SIVA1: variants seen among roughly 807,000 people sequenced by gnomAD.
The protein encoded by SIVA1 is SIVA1 apoptosis inducing factor, also known as apoptosis regulatory protein Siva.
Under a neutral mutation model 19.7 loss-of-function variants are expected in SIVA1, and 10 were observed. The observed-to-expected ratio is 0.51, with a 90% confidence interval of 0.31 to 0.86. SIVA1 has a LOEUF of 0.86. Among genes scored for constraint, SIVA1 ranks in the 40% least tolerant of loss-of-function variants. The pLI, the probability that SIVA1 is intolerant of heterozygous loss-of-function variation, is 0.04. For synonymous variants in SIVA1, 130 were observed against 106.1 expected (o/e 1.23, Z -1.39); for missense variants, 241 against 245.2 (o/e 0.98, Z 0.11).
At chr14:104,756,262 CCACACTGAGACCCAGATGGGA>C in intron 2 of SIVA1, 2 of 458,718 alleles carry the variant, frequency 4.4e-6, no homozygotes, top group South Asian at 4.3e-5. Flanking sequence ...AGGCAGTGGG[CCACACTGAGACCCAGATGGGA>C]CACATGGAGT....
intron 1 of SIVA1, 68 bp from the exon 2 acceptor site, chr14:104,755,562 C>T (rs1891855911): frequency 1.5e-6 from 2 of 1,378,656 alleles, no homozygotes; most frequent in Non-Finnish European, 1.0e-6. Context: ...GCTAGAAAGA[C>T]TCAATGGCCA....
intron 3 of SIVA1, 104 bp downstream of exon 3, chr14:104,756,864 C>A: frequency 7.8e-7 from 1 of 1,279,288 alleles, no homozygotes; most frequent in Non-Finnish European, 1.1e-6. Flanking sequence ...ACACGTGTGG[C>A]CCCTGATGCA....
chr14:104,753,272 A>T lies in SIVA1; in HGVS notation c.71A>T (p.Glu24Val). Residue 24 changes from glutamate to valine, a missense_variant, in exon 1 of 4, where the codon GAG becomes GTG. Transcript: ENST00000329967. ...CTCAAGGTCCGCGTGAGCCAGAGGG[A>T]GTTGAGCCGCGGCGTGTGCGCCGAG... Reference protein sequence around the residue: ...LQLKVRVSQRELSRGVCAERY... With the variant: ...LQLKVRVSQRVLSRGVCAERY... 1.9e-6 allele frequency: 3 copies of T among 1,601,044 alleles called. No homozygotes were observed. Among genetic ancestry groups the T allele is most frequent in the Middle Eastern group, 1.7e-4 (1 of 6,012 alleles).
Position 104,755,641 on chromosome 14 carries a change from C to T in SIVA1, c.130C>T (p.Arg44Ter). ...TTATCTTCCCCCAGAGAAGACCAAGCGACTCCTGTTCCTCGGGGCCCAGGC... is the reference window on the plus strand; with the variant it reads ...TTATCTTCCCCCAGAGAAGACCAAGTGACTCCTGTTCCTCGGGGCCCAGGC... Reference protein sequence around the residue: ...YSQEVFEKTKRLLFLGAQAYL... With the variant: ...YSQEVFEKTK Residue 44 changes from arginine (R) to a stop codon, truncating the protein, a stop_gained, in exon 2 of 4, where the codon CGA becomes TGA. Transcript: ENST00000329967. LOFTEE classifies it high-confidence loss of function. The T allele has an allele frequency of 1.2e-6, 2 of 1,612,216 alleles. No homozygotes were observed. The highest frequency in any genetic ancestry group is 1.1e-5 in the South Asian group (1 of 90,938).
chr14:104,757,292 G>A, intron 3 of SIVA1: 1 of 444,338 alleles, frequency 2.3e-6, no homozygotes, highest in Non-Finnish European at 4.5e-6. Context: ...TCACCTGGTG[G>A]ATGGGAGTGG....
rs374922764 is a variant in SIVA1, at chr14:104,755,585, G to A, written c.119-45G>A. On this transcript the variant is annotated intron_variant, in intron 1 of 3. Transcript: ENST00000329967. ...GACTCAATGGCCATGCAGGGGCTTC[G>A]TTGGTACACAGTGAAGGACGTGAGA... 2.9e-5 allele frequency: 45 copies of A among 1,555,038 alleles called. No individual in the cohort carries two copies. In the East Asian group the frequency reaches 4.3e-4, roughly 15 times the overall value.
At chr14:104,757,044 ACCT>A (rs573061664) in intron 3 of SIVA1, 9 of 462,658 alleles carry the variant, frequency 1.9e-5, no homozygotes, top group South Asian at 5.0e-5. Context: ...GAGCACCCCC[ACCT>A]CCTCCTCCTC....
intron 2 of SIVA1, chr14:104,756,195 C>T (rs1891883028): frequency 1.1e-5 from 5 of 440,808 alleles, no homozygotes; most frequent in South Asian, 8.4e-5. Context: ...CCCGACTCTA[C>T]CTCAAGTCTG....
At chr14:104,754,949 A>G (rs2140856356) in intron 1 of SIVA1, among the ~76,000 whole-genome samples, 1 of 152,288 alleles carries the variant, frequency 6.6e-6, no homozygotes, top group East Asian at 1.9e-4. Flanking sequence ...ACAAAAAACA[A>G]AGCATTTCTG....
rs779728333 is a variant in SIVA1 at position 104,756,612 on chromosome 14, G to A, written c.322G>A (p.Gly108Arg). The change falls in exon 3 of 4, where the codon GGG becomes AGG. Residue 108 changes from glycine to arginine, a missense_variant. Gly to Arg is a moderately radical substitution (Grantham distance 125). Transcript: ENST00000329967. The stretch of plus-strand genomic sequence containing the variant: ...GCGTTTCTTCCTCACAGACCCATCT[G>A]GGGTAGCGTCCATTGCCTGTTCCTC... ...LGQASEADPS[G>R]VASIACSSCV... 1.2e-6 allele frequency: 2 copies of A among 1,614,168 alleles called. No homozygotes were observed. The highest frequency in any genetic ancestry group is 3.3e-5 in the Admixed American group (2 of 60,028).
At chr14:104,756,827 T>C in intron 3 of SIVA1, 67 bp downstream of exon 3, 1 of 1,509,358 alleles carries the variant, frequency 6.6e-7, no homozygotes, top group East Asian at 2.3e-5. Context: ...GGGGGACGGG[T>C]GGGTCACCCA....
At position 104,758,135 on chromosome 14, in the gene SIVA1, G is replaced by C. The variant is rs972660988; in HGVS notation, c.471-1293G>C. On this transcript the variant is annotated intron_variant, in intron 3 of 3. Transcript: ENST00000329967. ...GCCATTTCCTACTTCAGGACCAGGC[G>C]TCGCAGGAGTGGGGGAAAACAGGGA... 2.0e-5 allele frequency: 3 copies of C among 152,422 alleles called. No homozygotes were observed. In the East Asian group the frequency reaches 5.8e-4, roughly 29 times the overall value. 9.4% of individuals were successfully genotyped at this position (152,422 alleles called of 1,614,324 possible).
chr14:104,756,890 G>A, intron 3 of SIVA1, 130 bp downstream of exon 3: 7 of 1,061,254 alleles, frequency 6.6e-6, no homozygotes, highest in Non-Finnish European at 9.3e-6. Context: ...ATCTGGCATT[G>A]CCTAACGGGA....
rs1469292876 is a variant in SIVA1 at position 104,753,391 on chromosome 14, C to T, written c.118+72C>T. 4.8e-6 allele frequency: 5 copies of T among 1,035,650 alleles called. No individual in the cohort carries two copies. In the African/African-American group the frequency reaches 5.0e-5, roughly 10 times the overall value. 64.2% of individuals were successfully genotyped at this position (1,035,650 alleles called of 1,614,324 possible). A position where few individuals can be genotyped will look rare whatever the true frequency, so the allele number is the denominator to read the frequency against. On this transcript the variant is annotated intron_variant, in intron 1 of 3. Transcript: ENST00000329967. The stretch of plus-strand genomic sequence containing the variant: ...AACGGGCCGGGCCTCAGCGTCCCCT[C>T]TGAGGCCTGAGCGGGGGGCTGGAGG...
At chr14:104,756,942 A>G (rs1246931393) in intron 3 of SIVA1, 182 bp downstream of exon 3, 1 of 665,930 alleles carries the variant, frequency 1.5e-6, no homozygotes, top group Non-Finnish European at 2.5e-6. Context: ...AGTGGTTAGT[A>G]ATCCTCTCTA....
chr14:104,757,173 G>A (rs1383240184), intron 3 of SIVA1: 2 of 346,078 alleles, frequency 5.8e-6, no homozygotes, highest in African/African-American at 2.2e-5. Context: ...TCTCAGGCAG[G>A]AAGTGGAGTG....
intron 1 of SIVA1, 55 bp downstream of exon 1, chr14:104,753,374 G>A: frequency 8.2e-7 from 1 of 1,215,842 alleles, no homozygotes; most frequent in East Asian, 2.6e-5. Context: ...GGAACGGGCC[G>A]GGCCTCAGCG....
At position 104,755,890 on chromosome 14, in the gene SIVA1, C is replaced by G. The variant is rs757604296; in HGVS notation, c.313+66C>G. The G allele has an allele frequency of 2.7e-6, 4 of 1,473,486 alleles. No individual in the cohort carries two copies. In the South Asian group the frequency reaches 4.7e-5, roughly 17 times the overall value. The allele number at this position is 1,473,486 out of a possible 1,614,324, so 91.3% of individuals were successfully genotyped here. ...GGCAGGTGGTGGCACGAGCATTTTT[C>G]TTGATTTGCAAGGTCAGGCTTTTCC... On this transcript the variant is annotated intron_variant, in intron 2 of 3. Transcript: ENST00000329967.
intron 1 of SIVA1, 94 bp downstream of exon 1, chr14:104,753,413 G>C (rs1025138846): frequency 9.6e-6 from 8 of 832,356 alleles, no homozygotes; most frequent in Non-Finnish European, 1.3e-5. Flanking sequence ...CGGGGGGCTG[G>C]AGGGCCCTGC....
Sources: gnomAD v4.1 joint callset for allele counts (sites outside exome capture counted in the v4.1 genomes callset) on GRCh38, gnomAD v4.1.1 for gene constraint, MANE v1.5 for transcripts, NCBI Gene and HGNC (gene_info 2026-07-23, HGNC 2026-07-21) for gene names.